RAPGEF5: variants seen among roughly 807,000 people sequenced by gnomAD.
RAPGEF5 encodes the protein M-Ras-regulated GEF.
RAPGEF5 carries 65 observed loss-of-function variants against 125.2 expected under a neutral mutation model. The observed-to-expected ratio is 0.52, with a 90% CI of 0.43 to 0.64. The LOEUF (loss-of-function observed/expected upper bound fraction) is 0.64, where lower values mean the gene tolerates loss of function less well. RAPGEF5 is among the 30% of genes least tolerant of loss of function. RAPGEF5 has a pLI of 0.00. For synonymous variants in RAPGEF5, 391 were observed against 385.9 expected, an observed-to-expected ratio of 1.01 and a Z score of -0.16; for missense variants, 958 against 1,048.1, an observed-to-expected ratio of 0.91 and a Z score of 1.19.
At chr7:22,286,017 G>A (rs1782787586) in intron 6 of RAPGEF5, among the ~76,000 whole-genome samples, 1 of 152,214 alleles carries the variant, frequency 6.6e-6, no homozygotes, top group African/African-American at 2.4e-5. Context: ...TGATCCAAGA[G>A]TATCAAGTGT....
intron 6 of RAPGEF5, among the ~76,000 whole-genome samples, chr7:22,281,909 G>A (rs889248728): frequency 7.2e-5 from 11 of 151,924 alleles, no homozygotes; most frequent in African/African-American, 1.7e-4. Context: ...TAGACACTTC[G>A]CTCTGCCCAC....
At chr7:22,256,089 TTGTAGA>T (rs1455133980) in intron 7 of RAPGEF5, among the ~76,000 whole-genome samples, 1 of 152,168 alleles carries the variant, frequency 6.6e-6, no homozygotes, top group African/African-American at 2.4e-5. Context: ...CTGGTGTTCT[TTGTAGA>T]GCCATGTATT....
chr7:22,194,655 A>C, intron 9 of RAPGEF5: 3 of 985,182 alleles, frequency 3.0e-6, no homozygotes, highest in Non-Finnish European at 3.6e-6. Flanking sequence ...ATAAGCAAAA[A>C]TGGATCTCTA....
Position 22,122,598 on chromosome 7 carries a change from C to A in RAPGEF5, c.2537-77G>T, listed in dbSNP as rs1782614445. ...ATCTACATACCAACAAAACCCCACA[C>A]TAAGGCTGAGTAAATGTACTAGGTG... On this transcript the variant is annotated intron_variant, in intron 25 of 25. Transcript: ENST00000665637. The A allele has an allele frequency of 3.8e-6, 4 of 1,060,686 alleles. No homozygotes were observed. In the South Asian group the frequency reaches 5.3e-5, roughly 14 times the overall value. 65.7% of individuals were successfully genotyped at this position (1,060,686 alleles called of 1,614,324 possible).
chr7:22,291,104 A>G, intron 6 of RAPGEF5, 71 bp downstream of exon 6: 1 of 1,481,920 alleles, frequency 6.7e-7, no homozygotes. Context: ...CCATCACCCA[A>G]AGAACTTCCC....
rs1294922026 is a variant in RAPGEF5 at position 22,356,995 on chromosome 7, C to T, written c.66G>A (p.Ala22=). ...GGCCGTCTGCCGCCACCACCGCCGC[C>T]GCGGCGGCCAGGGCCGGGCTCTCGC... ...PPCESPALAA[A]AAVVAADGPL... Residue 22 remains alanine, a synonymous_variant, in exon 1 of 26, where the codon GCG becomes GCA. Transcript: ENST00000665637. The T allele has an allele frequency of 4.6e-5, 47 of 1,024,856 alleles. No homozygotes were observed. The highest frequency in any genetic ancestry group is 5.2e-5 in the Non-Finnish European group (45 of 857,804). 63.5% of individuals were successfully genotyped at this position (1,024,856 alleles called of 1,614,324 possible). A position where few individuals can be genotyped will look rare whatever the true frequency, so the allele number is the denominator to read the frequency against.
At chr7:22,319,715 G>C (rs111504451) in intron 1 of RAPGEF5, among the ~76,000 whole-genome samples, 2,053 of 152,060 alleles carry the variant, frequency 0.014, 41 homozygotes, top group African/African-American at 0.047. Flanking sequence ...TCTCCAAACA[G>C]GTAGACTTTT....
rs58681076 is a variant in RAPGEF5 at position 22,251,775 on chromosome 7, C to CAAAAAAAAAAAA, written c.796+15177_796+15188dup. On this transcript the variant is annotated intron_variant, in intron 7 of 25. Coordinates refer to ENST00000665637, the MANE Select transcript of RAPGEF5 (RefSeq NM_012294.5). The stretch of plus-strand genomic sequence containing the variant: ...GAGCCCTGCCAGGAAGTTTCATTGA[C>CAAAAAAAAAAAA]AAAAAAAAAAAAAAAAAAAAAAAAG... Among the ~76,000 whole-genome samples, 10 of 73,348 alleles carry CAAAAAAAAAAAA rather than the reference C, an allele frequency of 1.4e-4. 1 individual carries two copies. The highest frequency in any genetic ancestry group is 5.2e-4 in the African/African-American group (10 of 19,232). The allele number at this position is 73,348 out of a possible 152,430, so 48.1% of individuals were successfully genotyped here.
rs1451187895 is a variant in RAPGEF5 at position 22,145,182 on chromosome 7, C to T, written c.2048G>A (p.Gly683Glu). The T allele has an allele frequency of 3.1e-6, 5 of 1,613,140 alleles. No homozygotes were observed. Among genetic ancestry groups the T allele is most frequent in the African/African-American group, 1.3e-5 (1 of 74,934 alleles). Reference sequence around the variant, plus strand: ...AAGGCTGAGATTTGCAGTGTGTTCCCCACTTCCCTGTCTGCTGAACGTGAA... The same window carrying T: ...AAGGCTGAGATTTGCAGTGTGTTCCTCACTTCCCTGTCTGCTGAACGTGAA... ...IYFTFSRQGS[G>E]EHTANLSLLL... The change falls in exon 20 of 26, where the codon GGG becomes GAG. Residue 683 changes from glycine to glutamate, a missense_variant. Gly to Glu is a moderately conservative substitution (Grantham distance 98). Transcript: ENST00000665637.
At chr7:22,157,966 C>A in intron 14 of RAPGEF5, 81 bp from the exon 15 acceptor site, 1 of 1,295,274 alleles carries the variant, frequency 7.7e-7, no homozygotes. Context: ...ACTAATTTTC[C>A]AGCACTAGGC....
chr7:22,224,433 T>C (rs908420873), intron 8 of RAPGEF5, among the ~76,000 whole-genome samples: 1 of 152,214 alleles, frequency 6.6e-6, no homozygotes, highest in Non-Finnish European at 1.5e-5. Context: ...TTCATGTACG[T>C]CAACCAGCGA....
At chr7:22,300,975 C>A (rs923303941) in intron 5 of RAPGEF5, among the ~76,000 whole-genome samples, 1 of 152,224 alleles carries the variant, frequency 6.6e-6, no homozygotes, top group Admixed American at 6.5e-5. Context: ...TCCCTGTCTA[C>A]ATCTGAGGCC....
intron 6 of RAPGEF5, among the ~76,000 whole-genome samples, chr7:22,280,127 A>G (rs1782641849): frequency 6.6e-6 from 1 of 152,198 alleles, no homozygotes; most frequent in South Asian, 2.1e-4. Context: ...TGACAGGGCC[A>G]TGGAATTATA....
intron 8 of RAPGEF5, 173 bp from the exon 9 acceptor site, chr7:22,220,164 G>C: frequency 1.3e-6 from 1 of 771,956 alleles, no homozygotes; most frequent in Admixed American, 2.9e-5. Flanking sequence ...TATAACCTAA[G>C]AGCACCATGC....
chr7:22,126,881 C>T (rs754783246), intron 24 of RAPGEF5, among the ~76,000 whole-genome samples: 24 of 152,188 alleles, frequency 1.6e-4, no homozygotes, highest in Non-Finnish European at 3.2e-4. Context: ...AATTGGCCTC[C>T]CAGAATGCTG....
At chr7:22,237,681 C>T (rs144991837) in intron 7 of RAPGEF5, among the ~76,000 whole-genome samples, 2 of 152,218 alleles carry the variant, frequency 1.3e-5, no homozygotes, top group Non-Finnish European at 1.5e-5. Context: ...CCAACTCCTC[C>T]GCTGCAGCAC....
chr7:22,243,457 T>C (rs1002126176), intron 7 of RAPGEF5, among the ~76,000 whole-genome samples: 27 of 152,108 alleles, frequency 1.8e-4, no homozygotes, highest in African/African-American at 6.3e-4. Context: ...GGTTTCACCA[T>C]GTTGGCCAGG....
intron 1 of RAPGEF5, among the ~76,000 whole-genome samples, chr7:22,322,496 T>A (rs1783735536): frequency 6.6e-6 from 1 of 152,100 alleles, no homozygotes; most frequent in African/African-American, 2.4e-5. Context: ...TGAAAAACTA[T>A]GAGGTAGGTA....
At chr7:22,193,725 C>G in intron 10 of RAPGEF5, 190 bp downstream of exon 10, 1 of 1,555,374 alleles carries the variant, frequency 6.4e-7, no homozygotes, top group African/African-American at 1.4e-5. Context: ...CCTGTCCTTT[C>G]ACTGGGAACT....
Sources: gnomAD v4.1 joint callset for allele counts (sites outside exome capture counted in the v4.1 genomes callset) on GRCh38, gnomAD v4.1.1 for gene constraint, MANE v1.5 for transcripts, NCBI Gene and HGNC (gene_info 2026-07-23, HGNC 2026-07-21) for gene names.